ROBO2: variants seen among roughly 807,000 people sequenced by gnomAD.
The protein encoded by ROBO2 is roundabout homolog 2.
In ROBO2, 53 loss-of-function variants were observed where a neutral mutation model predicts 160.8. The observed-to-expected ratio is 0.33, with a 90% CI of 0.26 to 0.41. The LOEUF is 0.41. Ranked by LOEUF, ROBO2 falls within the 10% of genes least tolerant of loss-of-function variation. ROBO2 has a pLI of 1.00. For missense variants in ROBO2, 1,577 were observed against 1,722.4 expected, an observed-to-expected ratio of 0.92 and a Z score of 1.49; for synonymous variants, 664 against 611.7, an observed-to-expected ratio of 1.09 and a Z score of -1.26.
chr3:77,087,913 A>G (rs1367256653), intron 1 of ROBO2, among the ~76,000 whole-genome samples: 1 of 151,910 alleles, frequency 6.6e-6, no homozygotes, highest in East Asian at 1.9e-4. Context: ...TTGTATATTC[A>G]TATATATATT....
At chr3:76,700,652 G>T (rs2093028685) in intron 2 of ROBO2, among the ~76,000 whole-genome samples, 2 of 152,104 alleles carry the variant, frequency 1.3e-5, no homozygotes. Context: ...TTCCTTTGAG[G>T]ACGTTCTTGA....
intron 2 of ROBO2, among the ~76,000 whole-genome samples, chr3:76,145,098 A>G (rs2106792817): frequency 1.6e-5 from 2 of 125,002 alleles, no homozygotes; most frequent in South Asian, 6.2e-4. Flanking sequence ...TGTAACTTGT[A>G]AAGAAGAGAA....
At chr3:76,880,143 C>A (rs1326560211) in intron 2 of ROBO2, among the ~76,000 whole-genome samples, 1 of 152,052 alleles carries the variant, frequency 6.6e-6, no homozygotes, top group Admixed American at 6.6e-5. Flanking sequence ...TCAGAACAGT[C>A]CTTTAATGTC....
In ROBO2 at chr3:76,822,794, A is replaced by G. The variant is rs112228868; in HGVS notation, c.110-275220A>G. On this transcript the variant is annotated intron_variant, in intron 2 of 26. Coordinates refer to the ROBO2 transcript ENST00000487694. ...TCTACAAATTTTCATGGTTCCCTAA[A>G]GAAGATTAAGAAGGTTTCCTGTTCT... is the stretch of plus-strand genomic sequence containing the variant. 1.7e-3 allele frequency among the ~76,000 whole-genome samples: 258 copies of G among 152,014 alleles called. 3 individuals carry two copies. Among genetic ancestry groups the G allele is most frequent in the Non-Finnish European group, 3.0e-3 (202 of 67,894 alleles).
At chr3:76,065,730 A>ATATATAT (rs753797432) in intron 2 of ROBO2, among the ~76,000 whole-genome samples, 23 of 136,988 alleles carry the variant, frequency 1.7e-4, no homozygotes, top group African/African-American at 6.8e-4. Flanking sequence ...ATGCATATTT[A>ATATATAT]AACTAAATAT....
At chr3:76,548,706 G>A (rs562567050) in intron 2 of ROBO2, among the ~76,000 whole-genome samples, 1 of 151,394 alleles carries the variant, frequency 6.6e-6, no homozygotes, top group African/African-American at 2.4e-5. Context: ...AATGGGAGAA[G>A]TAACAGTTAT....
chr3:75,997,343 A>T (rs1261921548), intron 2 of ROBO2, among the ~76,000 whole-genome samples: 1 of 152,188 alleles, frequency 6.6e-6, no homozygotes, highest in African/African-American at 2.4e-5. Flanking sequence ...GAAGTTACTT[A>T]TATTTGTTAC....
intron 2 of ROBO2, among the ~76,000 whole-genome samples, chr3:77,238,026 T>C (rs1185534638): frequency 6.6e-6 from 1 of 152,240 alleles, no homozygotes; most frequent in East Asian, 1.9e-4. Flanking sequence ...ATTTGCCATG[T>C]ACACATCTTC....
intron 2 of ROBO2, among the ~76,000 whole-genome samples, chr3:76,606,839 A>G (rs2087701220): frequency 6.6e-6 from 1 of 152,132 alleles, no homozygotes; most frequent in Non-Finnish European, 1.5e-5. Flanking sequence ...GAACTATTTT[A>G]TACATTATAA....
At chr3:77,034,263 C>T (rs1053649588) in intron 2 of ROBO2, among the ~76,000 whole-genome samples, 1 of 150,970 alleles carries the variant, frequency 6.6e-6, no homozygotes, top group Non-Finnish European at 1.5e-5. Flanking sequence ...ATTTATTTCA[C>T]TTTGTCACTT....
At chr3:77,595,289 GAGAATTCT>G in intron 18 of ROBO2, 105 bp downstream of exon 19, 1 of 889,912 alleles carries the variant, frequency 1.1e-6, no homozygotes, top group Non-Finnish European at 1.8e-6. Flanking sequence ...TTAAAAGTCT[GAGAATTCT>G]AGGAGGAATT....
intron 2 of ROBO2, among the ~76,000 whole-genome samples, chr3:76,245,086 T>C (rs1256012423): frequency 6.6e-6 from 1 of 152,244 alleles, no homozygotes; most frequent in African/African-American, 2.4e-5. Context: ...AATTTTCAAT[T>C]TGCCTCTTTA....
At chr3:76,938,359 AC>A (rs34061710) in intron 2 of ROBO2, among the ~76,000 whole-genome samples, 1 of 141,058 alleles carries the variant, frequency 7.1e-6, no homozygotes, top group Non-Finnish European at 1.5e-5. Context: ...TCCCCCACCT[AC>A]CCCCCCCAAA....
intron 2 of ROBO2, among the ~76,000 whole-genome samples, chr3:76,713,483 C>A (rs752732290): frequency 6.6e-6 from 1 of 151,912 alleles, no homozygotes; most frequent in Non-Finnish European, 1.5e-5. Flanking sequence ...AAAATATTTC[C>A]GAGGAACTGT....
At position 77,429,628 on chromosome 3, in the gene ROBO2, T is replaced by A. The variant is rs201436463; in HGVS notation, c.389-47786T>A. Among the ~76,000 whole-genome samples the A allele has an allele frequency of 3.0e-5, 4 of 131,994 alleles. 1 individual carries two copies. The highest frequency in any genetic ancestry group is 2.5e-4 in the South Asian group (1 of 4,034). The allele number at this position is 131,994 out of a possible 152,430, so 86.6% of individuals were successfully genotyped here. ...AAAAGCAGGGTTTTTTTTTTTTTTTTAAATGCACTCAGTATTTCATGATGT... is the reference window on the plus strand; with the variant it reads ...AAAAGCAGGGTTTTTTTTTTTTTTTAAAATGCACTCAGTATTTCATGATGT... On this transcript the variant is annotated intron_variant, in intron 2 of 25. Coordinates refer to ENST00000461745, the Ensembl canonical transcript of ROBO2.
chr3:77,491,468 T>A (rs555203936), intron 4 of ROBO2, among the ~76,000 whole-genome samples: 22 of 152,308 alleles, frequency 1.4e-4, no homozygotes, highest in Non-Finnish European at 2.5e-4. Flanking sequence ...TTTTTACTAT[T>A]AGCATTTGGG....
At chr3:76,323,174 CA>C (rs1373400935) in intron 2 of ROBO2, among the ~76,000 whole-genome samples, 56 of 150,916 alleles carry the variant, frequency 3.7e-4, no homozygotes, top group Admixed American at 4.6e-4. Context: ...CACACACACA[CA>C]CCCCTAAAGG....
chr3:77,357,339 C>A (rs1365936954), intron 2 of ROBO2, among the ~76,000 whole-genome samples: 1 of 152,042 alleles, frequency 6.6e-6, no homozygotes, highest in Non-Finnish European at 1.5e-5. Context: ...AGTTAAGTTC[C>A]TGATGAAAGG....
At chr3:77,391,772 T>A (rs2074760527) in intron 2 of ROBO2, among the ~76,000 whole-genome samples, 2 of 152,258 alleles carry the variant, frequency 1.3e-5, no homozygotes, top group South Asian at 2.1e-4. Context: ...TTGCCCAGGC[T>A]GGTCTTGAAC....
Sources: gnomAD v4.1 joint callset for allele counts (sites outside exome capture counted in the v4.1 genomes callset) on GRCh38, gnomAD v4.1.1 for gene constraint, MANE v1.5 for transcripts, NCBI Gene and HGNC (gene_info 2026-07-23, HGNC 2026-07-21) for gene names.